The following PARD3B variants were observed in gnomAD, a reference collection of about 807,000 sequenced individuals.
The protein encoded by PARD3B is partitioning defective 3 homolog B.
A neutral mutation model predicts 130.2 loss-of-function variants in PARD3B; 103 were observed. The observed-to-expected ratio is 0.79, with a 90% CI of 0.67 to 0.93. The LOEUF (loss-of-function observed/expected upper bound fraction) is 0.93. Ranked by LOEUF, PARD3B falls within the 40% of genes least tolerant of loss-of-function variation. The probability of loss-of-function intolerance (pLI) is 0.00; values close to 1 mark genes in which losing one functional copy is unlikely to be tolerated. For missense variants in PARD3B, 1,609 were observed against 1,499.2 expected, an observed-to-expected ratio of 1.07 and a Z score of -1.21; for synonymous variants, 583 against 553.2, an observed-to-expected ratio of 1.05 and a Z score of -0.76.
intron 10 of PARD3B, among the ~76,000 whole-genome samples, chr2:205,152,017 T>C (rs2033792944): frequency 6.6e-6 from 1 of 152,232 alleles, no homozygotes; most frequent in African/African-American, 2.4e-5. Flanking sequence ...CCTTCACTTA[T>C]GAAGCTTAGT....
At chr2:204,650,064 G>GA (rs917055496) in intron 1 of PARD3B, among the ~76,000 whole-genome samples, 3 of 151,404 alleles carry the variant, frequency 2.0e-5, no homozygotes, top group East Asian at 1.9e-4. Context: ...AAATTTACAA[G>GA]AAAAAAAACC....
intron 2 of PARD3B, among the ~76,000 whole-genome samples, chr2:204,754,581 G>A (rs963838172): frequency 6.6e-6 from 1 of 152,098 alleles, no homozygotes. Flanking sequence ...ATTCTTCATA[G>A]GTGTTATCTA....
chr2:204,829,546 A>T (rs1342725233), intron 2 of PARD3B, among the ~76,000 whole-genome samples: 1 of 152,192 alleles, frequency 6.6e-6, no homozygotes, highest in Admixed American at 6.5e-5. Context: ...CTAGGATGAT[A>T]CGGTTTGGCT....
At chr2:204,639,798 C>T (rs2035009904) in intron 1 of PARD3B, among the ~76,000 whole-genome samples, 1 of 152,102 alleles carries the variant, frequency 6.6e-6, no homozygotes, top group Non-Finnish European at 1.5e-5. Context: ...TTAAAAGATA[C>T]ATCCTATTAT....
intron 14 of PARD3B, among the ~76,000 whole-genome samples, chr2:205,192,636 C>T (rs917472546): frequency 1.3e-5 from 2 of 152,180 alleles, no homozygotes; most frequent in Admixed American, 6.5e-5. Context: ...GTCAACTGTG[C>T]TCTTCCTATT....
At chr2:205,077,017 C>T (rs1390399541) in intron 4 of PARD3B, among the ~76,000 whole-genome samples, 2 of 152,200 alleles carry the variant, frequency 1.3e-5, no homozygotes, top group African/African-American at 4.8e-5. Flanking sequence ...GTGAGAAATA[C>T]TCACTGCGTC....
intron 18 of PARD3B, among the ~76,000 whole-genome samples, chr2:205,361,314 AT>A (rs1447070748): frequency 6.6e-6 from 1 of 152,132 alleles, no homozygotes; most frequent in Non-Finnish European, 1.5e-5. Context: ...GGAAAATCTA[AT>A]GTCATTATGC....
At chr2:205,531,319 G>GGAAAT (rs1472159981) in intron 21 of PARD3B, among the ~76,000 whole-genome samples, 1 of 152,086 alleles carries the variant, frequency 6.6e-6, no homozygotes, top group Non-Finnish European at 1.5e-5. Flanking sequence ...ACATGAAGCA[G>GGAAAT]GAAATGATCT....
chr2:205,384,151 G>A (rs2045579373), intron 18 of PARD3B, among the ~76,000 whole-genome samples: 1 of 152,040 alleles, frequency 6.6e-6, no homozygotes, highest in Admixed American at 6.6e-5. Context: ...TTTTTGGTAA[G>A]TTTGACAGAG....
intron 1 of PARD3B, among the ~76,000 whole-genome samples, chr2:204,631,252 T>C (rs1019908195): frequency 2.0e-5 from 3 of 151,314 alleles, no homozygotes; most frequent in Admixed American, 6.6e-5. Flanking sequence ...TTCTTTCTTT[T>C]TTTTTTTTTT....
Position 204,675,257 on chromosome 2 carries a change from A to G in PARD3B, c.121-10924A>G, listed in dbSNP as rs2036483796. Among the ~76,000 whole-genome samples, 1 of 152,120 alleles carries G rather than the reference A, an allele frequency of 6.6e-6. No individual in the cohort carries two copies. The highest frequency in any genetic ancestry group is 2.1e-4 in the South Asian group (1 of 4,834). On this transcript the variant is annotated intron_variant, in intron 1 of 22. Transcript: ENST00000406610. The surrounding 1 kb of genome is among the most constrained non-coding windows in gnomAD (Gnocchi z 4.4). ...GTGTTTTACGTCTTTCATACTGAGA[A>G]TTGTTTTTAAATGGATTAAATCCAT... is the stretch of plus-strand genomic sequence containing the variant.
chr2:205,614,192 G>A (rs191727761), intron 22 of PARD3B, among the ~76,000 whole-genome samples: 1 of 152,312 alleles, frequency 6.6e-6, no homozygotes, highest in Admixed American at 6.5e-5. Flanking sequence ...GAGGCACACT[G>A]CTTCTGTTAT....
intron 22 of PARD3B, among the ~76,000 whole-genome samples, chr2:205,582,929 G>C (rs1348522465): frequency 6.6e-6 from 1 of 152,148 alleles, no homozygotes; most frequent in Non-Finnish European, 1.5e-5. Context: ...AGGACAGCTC[G>C]GTCATTGAAC....
chr2:204,885,252 A>C (rs981445238), intron 2 of PARD3B, among the ~76,000 whole-genome samples: 4 of 151,972 alleles, frequency 2.6e-5, no homozygotes, highest in Non-Finnish European at 5.9e-5. Context: ...TTTTTCATCT[A>C]TTTGTTGGCC....
At chr2:205,005,582 TA>T (rs1020742961) in intron 3 of PARD3B, among the ~76,000 whole-genome samples, 9 of 152,078 alleles carry the variant, frequency 5.9e-5, no homozygotes, top group African/African-American at 2.2e-4. Flanking sequence ...CTTTTATTGA[TA>T]AAATTTAAAA....
intron 2 of PARD3B, among the ~76,000 whole-genome samples, chr2:204,950,658 C>T (rs1203612515): frequency 1.3e-5 from 2 of 152,034 alleles, no homozygotes; most frequent in African/African-American, 2.4e-5. Flanking sequence ...TCAGTTCTTT[C>T]GTATTTAAAT....
intron 2 of PARD3B, among the ~76,000 whole-genome samples, chr2:204,898,917 A>T (rs1008830498): frequency 1.3e-5 from 2 of 152,132 alleles, no homozygotes; most frequent in Admixed American, 6.5e-5. Flanking sequence ...ATCTATTTCA[A>T]GTCTGATATA....
chr2:204,830,807 G>T (rs375319601), intron 2 of PARD3B, among the ~76,000 whole-genome samples: 10 of 152,296 alleles, frequency 6.6e-5, no homozygotes, highest in African/African-American at 2.2e-4. Flanking sequence ...GTACTCTGTA[G>T]TTAGAGAGAA....
In PARD3B at chr2:205,258,090, T is replaced by C. The variant is rs1036489576; in HGVS notation, c.2185+12268T>C. The stretch of plus-strand genomic sequence containing the variant: ...TATAGTCCCCCAGCAGGCCATTTCA[T>C]TGGAGAGAGAAACATAACAGATGCA... On this transcript the variant is annotated intron_variant, in intron 16 of 22. Transcript: ENST00000406610. The surrounding 1 kb of genome is among the most constrained non-coding windows in gnomAD (Gnocchi z 4.9). Among the ~76,000 whole-genome samples, 5 of 152,190 alleles carry C rather than the reference T, an allele frequency of 3.3e-5. No individual in the cohort carries two copies. Among genetic ancestry groups the C allele is most frequent in the Admixed American group, 1.3e-4 (2 of 15,286 alleles).
Sources: gnomAD v4.1 joint callset for allele counts (sites outside exome capture counted in the v4.1 genomes callset) on GRCh38, gnomAD v4.1.1 for gene constraint, Gnocchi (gnomAD v3.1) non-coding constraint, MANE v1.5 for transcripts, NCBI Gene and HGNC (gene_info 2026-07-23, HGNC 2026-07-21) for gene names.